The following WDR81 variants were observed in gnomAD, a reference collection of about 807,000 sequenced individuals.
The protein encoded by WDR81 is WD repeat-containing protein 81.
In WDR81, 92 loss-of-function variants were observed where a neutral mutation model predicts 140.8. The observed-to-expected ratio is 0.65, with a 90% CI of 0.55 to 0.78. The LOEUF (loss-of-function observed/expected upper bound fraction) is 0.78. WDR81 is among the 30% of genes least tolerant of loss of function. WDR81 has a pLI of 0.00. For synonymous variants in WDR81, 1,183 were observed against 1,156.4 expected, an observed-to-expected ratio of 1.02 and a Z score of -0.47; for missense variants, 2,502 against 2,636.4, an observed-to-expected ratio of 0.95 and a Z score of 1.12.
At position 1,736,127 on chromosome 17, in the gene WDR81, TCTC is replaced by T. The variant is rs1288784558; in HGVS notation, c.5418_5420del (p.Ser1807del). 3.1e-6 allele frequency: 5 copies of T among 1,602,528 alleles called. No individual in the cohort carries two copies. The highest frequency in any genetic ancestry group is 4.2e-6 in the Non-Finnish European group (5 of 1,179,850). The stretch of plus-strand genomic sequence containing the variant: ...AGTGGCCGTAGTGTCGTGGCCGGCT[TCTC>T]CTCAGGCTTCATGGTGCTCCTGGAC... On this transcript the variant is annotated inframe_deletion, in exon 9 of 10. Coordinates refer to ENST00000409644, the MANE Select transcript of WDR81 (RefSeq NM_001163809.2).
At position 1,725,875 on chromosome 17, in the gene WDR81, T is replaced by C; in HGVS notation, c.916T>C (p.Tyr306His). The C allele has an allele frequency of 6.4e-7, 1 of 1,550,800 alleles. No homozygotes were observed. The highest frequency in any genetic ancestry group is 1.2e-5 in the South Asian group (1 of 84,050). The change falls in exon 1 of 10, where the codon TAT becomes CAT. Residue 306 changes from tyrosine (Y) to histidine (H), a missense_variant. Around this residue, in one of 3 missense-constraint regions of WDR81, gnomAD observed 547 missense variants for 513.8 expected, o/e 1.06. Transcript: ENST00000409644. ...CSELRLDLSA[Y>H]ERPEEDENEE... ...CGAGCTGCGACTGGACCTGAGTGCT[T>C]ATGAGAGGCCCGAGGAGGACGAGAA...
rs530401499 is a variant in WDR81, at chr17:1,730,676, C to A, written c.3776-79C>A. On this transcript the variant is annotated intron_variant, in intron 2 of 9. Coordinates refer to ENST00000409644, the MANE Select transcript of WDR81 (RefSeq NM_001163809.2). Reference sequence around the variant, plus strand: ...GGCCCCCAGCTAGAGTGAGCTCAAGCGGCCAGCACAGCCCTGCAGGGCCAG... The same window carrying A: ...GGCCCCCAGCTAGAGTGAGCTCAAGAGGCCAGCACAGCCCTGCAGGGCCAG... The A allele has an allele frequency of 7.4e-6, 11 of 1,490,564 alleles. No individual in the cohort carries two copies. The South Asian group carries it at 1.3e-4, about 18-fold the overall frequency. The allele number at this position is 1,490,564 out of a possible 1,614,324, so 92.3% of individuals were successfully genotyped here.
In WDR81 at chr17:1,733,561, G is replaced by A; in HGVS notation, c.4524G>A (p.Glu1508=). The A allele has an allele frequency of 6.6e-7, 1 of 1,521,122 alleles. No individual in the cohort carries two copies. Among genetic ancestry groups the A allele is most frequent in the Non-Finnish European group, 8.8e-7 (1 of 1,135,644 alleles). The allele number at this position is 1,521,122 out of a possible 1,614,324, so 94.2% of individuals were successfully genotyped here. A position where few individuals can be genotyped will look rare whatever the true frequency, so the allele number is the denominator to read the frequency against. The stretch of plus-strand genomic sequence containing the variant: ...TCCGGAAAATCATCCCCAACCACGA[G>A]CTGGTTGGGGAGCTGGCGGCGCTGT... The part of the protein sequence containing the change: ...DIIRKIIPNH[E]LVGELAALYL... The change falls in exon 7 of 10, where the codon GAG becomes GAA. Residue 1508 remains glutamate, a synonymous_variant. Transcript: ENST00000409644.
In WDR81 at chr17:1,716,931, C is replaced by G. The variant is rs1344854913; in HGVS notation, c.-124+298C>G. On this transcript the variant is annotated intron_variant, in intron 1 of 10. Transcript: ENST00000309182. Reference sequence around the variant, plus strand: ...CACTCCTCCTGGGGGCTCTTCCTAACCACAGGAGGCTTTTTTTCTTGGATG... The same window carrying G: ...CACTCCTCCTGGGGGCTCTTCCTAAGCACAGGAGGCTTTTTTTCTTGGATG... 3 of 513,406 alleles carry G rather than the reference C, an allele frequency of 5.8e-6. No homozygotes were observed. In the Admixed American group the frequency reaches 1.1e-4, roughly 19 times the overall value. The allele number at this position is 513,406 out of a possible 1,614,324, so 31.8% of individuals were successfully genotyped here.
upstream of WDR81, among the ~76,000 whole-genome samples, chr17:1,723,238 GA>G (rs1045862766): frequency 2.6e-5 from 4 of 152,158 alleles, no homozygotes; most frequent in Admixed American, 2.6e-4. Flanking sequence ...CAGCCACAGT[GA>G]CATCTGGAGG....
Position 1,728,186 on chromosome 17 carries a change from A to C in WDR81, c.3227A>C (p.Gln1076Pro), listed in dbSNP as rs760183811. 6.9e-6 allele frequency: 11 copies of C among 1,605,726 alleles called. No homozygotes were observed. In the South Asian group the frequency reaches 1.2e-4, roughly 18 times the overall value. The change falls in exon 1 of 10, where the codon CAG becomes CCG. Residue 1076 changes from glutamine (Q) to proline (P), a missense_variant. Physicochemically the swap from Gln to Pro is moderately conservative, Grantham distance 76. Around this residue, in one of 3 missense-constraint regions of WDR81, gnomAD observed 1,737 missense variants for 1,843.0 expected, o/e 0.94. Coordinates refer to ENST00000409644, the MANE Select transcript of WDR81 (RefSeq NM_001163809.2). The stretch of plus-strand genomic sequence containing the variant: ...ACGTCTGGCGTCAGCTTCCACGACC[A>C]GGCTGACCTCCCTGAGACAGAGGAC... ...DYTSGVSFHD[Q>P]ADLPETEDFQ... is the part of the protein sequence containing the mutation.
In WDR81 at chr17:1,728,475, G is replaced by C; in HGVS notation, c.3516G>C (p.Gln1172His). 1.9e-6 allele frequency: 3 copies of C among 1,608,120 alleles called. No individual in the cohort carries two copies. The highest frequency in any genetic ancestry group is 2.5e-6 in the Non-Finnish European group (3 of 1,176,674). Residue 1172 changes from glutamine to histidine, a missense_variant, in exon 1 of 10, where the codon CAG becomes CAC. Coordinates refer to ENST00000409644, the MANE Select transcript of WDR81 (RefSeq NM_001163809.2). ...TGCTAGAGGAGGAGGAGGGGGAGCA[G>C]GAGGAGGTCACCGGGGCATCTGAGC... ...CVVLEEEEGE[Q>H]EEVTGASELT...
intron 1 of WDR81, chr17:1,716,855 G>A: frequency 1.6e-6 from 1 of 606,378 alleles, no homozygotes; most frequent in Non-Finnish European, 2.9e-6. Context: ...ACTGCCGTTG[G>A]AGAGCTCTCC....
chr17:1,737,447 A>G lies in WDR81; in HGVS notation c.5588A>G (p.His1863Arg), dbSNP rs770647721. 6.8e-6 allele frequency: 11 copies of G among 1,612,956 alleles called. No homozygotes were observed. The African/African-American group carries it at 1.5e-4, about 22-fold the overall frequency. ...VWKELEQKPT[H>R]HYKSASDPIH... The stretch of plus-strand genomic sequence containing the variant: ...AAGGAGCTGGAGCAGAAGCCCACCC[A>G]TCACTACAAGTCAGCATCCGACCCC... The change falls in exon 10 of 10, where the codon CAT becomes CGT. Residue 1863 changes from histidine to arginine, a missense_variant. By Grantham distance (29) the His-to-Arg change is conservative. Coordinates refer to ENST00000409644, the MANE Select transcript of WDR81 (RefSeq NM_001163809.2).
chr17:1,726,490 G>T lies in WDR81; in HGVS notation c.1531G>T (p.Asp511Tyr), dbSNP rs1438490749. 6.4e-7 allele frequency: 1 copy of T among 1,550,540 alleles called. No individual in the cohort carries two copies. Among genetic ancestry groups the T allele is most frequent in the Non-Finnish European group, 8.7e-7 (1 of 1,147,018 alleles). Residue 511 changes from aspartate to tyrosine, a missense_variant, in exon 1 of 10, where the codon GAC (aspartate) becomes TAC (tyrosine). Physicochemically the swap from Asp to Tyr is radical, Grantham distance 160 (BLOSUM62 -3). This residue lies in a region of WDR81 where 218 missense variants were observed against 279.6 expected (regional missense o/e 0.78). Coordinates refer to ENST00000409644, the MANE Select transcript of WDR81 (RefSeq NM_001163809.2). ...CCGCTCCATCCACCCCGACATGCCT[G>T]ACCTGGATGTGCCAGCCTGGTGCAG... is the stretch of plus-strand genomic sequence containing the variant. The part of the protein sequence containing the change: ...IFRSIHPDMP[D>Y]LDVPAWCSSS...
Position 1,737,498 on chromosome 17 carries a change from G to A in WDR81, c.5639G>A (p.Ser1880Asn). ...DPIHTFDLYG[S>N]EVVTGTVSNK... The stretch of plus-strand genomic sequence containing the variant: ...ATCCACACCTTTGACCTGTACGGCA[G>A]CGAGGTGGTCACTGGCACCGTGTCC... Residue 1880 changes from serine to asparagine, a missense_variant, in exon 10 of 10, where the codon AGC becomes AAC. Ser to Asn is a conservative substitution (Grantham distance 46). This residue lies in a region of WDR81 where 1,737 missense variants were observed against 1,843.0 expected (regional missense o/e 0.94). Transcript: ENST00000409644. The A allele has an allele frequency of 6.2e-7, 1 of 1,613,192 alleles. No homozygotes were observed.
In WDR81 at chr17:1,733,864, C is replaced by A; in HGVS notation, c.4827C>A (p.Ser1609Arg). The change falls in exon 7 of 10, where the codon AGC becomes AGA. Residue 1609 changes from serine to arginine, a missense_variant. Transcript: ENST00000409644. Reference sequence around the variant, plus strand: ...CCCTGAAGCAGGAGCTGCCGCGGAGCGTGCACGGGCTGAGCGGAAACTGGC... The same window carrying A: ...CCCTGAAGCAGGAGCTGCCGCGGAGAGTGCACGGGCTGAGCGGAAACTGGC... ...DNALKQELPR[S>R]VHGLSGNWLA... 6.2e-7 allele frequency: 1 copy of A among 1,612,784 alleles called. No homozygotes were observed. Among genetic ancestry groups the A allele is most frequent in the Non-Finnish European group, 8.5e-7 (1 of 1,179,946 alleles).
At position 1,731,156 on chromosome 17, in the gene WDR81, T is replaced by A; in HGVS notation, c.4055T>A (p.Ile1352Asn). Residue 1352 changes from isoleucine to asparagine, a missense_variant, in exon 4 of 10, where the codon ATC (isoleucine) becomes AAC (asparagine). By Grantham distance (149) the Ile-to-Asn change is moderately radical (BLOSUM62 -3). This residue lies in a region of WDR81 where 1,737 missense variants were observed against 1,843.0 expected (regional missense o/e 0.94). Transcript: ENST00000409644. ...GCCGCGGTGACGCTGACTCAGAAGA[T>A]CATCGTGTACCTCTCAGACACCACA... is the stretch of plus-strand genomic sequence containing the variant. ...LLAAVTLTQK[I>N]IVYLSDTTLM... The A allele has an allele frequency of 1.2e-6, 2 of 1,613,350 alleles. No individual in the cohort carries two copies. The highest frequency in any genetic ancestry group is 1.7e-6 in the Non-Finnish European group (2 of 1,179,984).
At chr17:1,724,265 G>A (rs1915056667), upstream of WDR81, among the ~76,000 whole-genome samples, 1 of 152,242 alleles carries the variant, frequency 6.6e-6, no homozygotes, top group African/African-American at 2.4e-5. Context: ...TCGGGAGGCC[G>A]AGGCAAGAGA....
At position 1,737,734 on chromosome 17, in the gene WDR81, C is replaced by T. The variant is rs374841920; in HGVS notation, c.*49C>T. 113 of 1,540,538 alleles carry T rather than the reference C, an allele frequency of 7.3e-5. No individual in the cohort carries two copies. The highest frequency in any genetic ancestry group is 1.7e-4 in the South Asian group (14 of 80,366). The stretch of plus-strand genomic sequence containing the variant: ...AAGGGTGGGAAGACATCTGCGGGCG[C>T]GTGTCCACTCACCCTGTTCCCTGAG... On this transcript the variant is annotated 3_prime_UTR_variant, in exon 10 of 10. Coordinates refer to ENST00000409644, the MANE Select transcript of WDR81 (RefSeq NM_001163809.2).
At chr17:1,717,941 G>A (rs1162436772) in intron 1 of WDR81, among the ~76,000 whole-genome samples, 1 of 152,196 alleles carries the variant, frequency 6.6e-6, no homozygotes, top group South Asian at 2.1e-4. Context: ...CAGTGAACCC[G>A]AGGACCAAGC....
Position 1,725,468 on chromosome 17 carries a change from C to T in WDR81, c.509C>T (p.Ala170Val). The T allele has an allele frequency of 6.5e-7, 1 of 1,548,828 alleles. No individual in the cohort carries two copies. Among genetic ancestry groups the T allele is most frequent in the South Asian group, 1.2e-5 (1 of 84,064 alleles). ...TACAGTCACAGCCCTGCCCCCTCAGCTGTCCCTGCCTTGGACTCAGTACGG... is the reference window on the plus strand; with the variant it reads ...TACAGTCACAGCCCTGCCCCCTCAGTTGTCCCTGCCTTGGACTCAGTACGG... ...QPYSHSPAPS[A>V]VPALDSVRQA... Residue 170 changes from alanine (A) to valine (V), a missense_variant, in exon 1 of 10, where the codon GCT (alanine) becomes GTT (valine). Around this residue, in one of 3 missense-constraint regions of WDR81, gnomAD observed 547 missense variants for 513.8 expected, o/e 1.06. Transcript: ENST00000409644.
At position 1,735,589 on chromosome 17, in the gene WDR81, G is replaced by A; in HGVS notation, c.5197G>A (p.Val1733Met). The change falls in exon 8 of 10, where the codon GTG becomes ATG. Residue 1733 changes from valine (V) to methionine (M), a missense_variant. Val to Met is a conservative substitution (Grantham distance 21). Transcript: ENST00000409644. The surrounding 1 kb of genome is among the most constrained non-coding windows in gnomAD (Gnocchi z 4.2). ...DPFTGKTLRT[V>M]EPLDSRVPLT... ...CTTCCCAGGGAAGACCCTTCGCACAGTGGAGCCGCTGGACAGCCGGGTGCC... is the reference window on the plus strand; with the variant it reads ...CTTCCCAGGGAAGACCCTTCGCACAATGGAGCCGCTGGACAGCCGGGTGCC... 6.2e-7 allele frequency: 1 copy of A among 1,611,944 alleles called. No homozygotes were observed. The highest frequency in any genetic ancestry group is 8.5e-7 in the Non-Finnish European group (1 of 1,179,702).
chr17:1,731,038 G>A, intron 3 of WDR81, 30 bp from the exon 4 acceptor site: 1 of 1,607,412 alleles, frequency 6.2e-7, no homozygotes, highest in Middle Eastern at 1.7e-4. Context: ...CTGTGGGGCT[G>A]CCCGGCCCTC....
Sources: allele counts gnomAD v4.1 joint callset (sites outside exome capture counted in the v4.1 genomes callset), GRCh38; gene constraint gnomAD v4.1.1; regional missense constraint gnomAD v4.1.1; non-coding constraint Gnocchi (gnomAD v3.1); transcripts MANE v1.5; gene names NCBI Gene and HGNC (gene_info 2026-07-23, HGNC 2026-07-21).